Variants in BBS9 observed in about 807,000 individuals in gnomAD.
The protein encoded by BBS9 is Bardet-Biedl syndrome 9.
Under a neutral mutation model 117.7 loss-of-function variants are expected in BBS9, and 89 were observed. That is an observed-to-expected ratio of 0.76 (90% CI 0.64 to 0.90). The LOEUF (loss-of-function observed/expected upper bound fraction) is 0.90, where lower values mean the gene tolerates loss of function less well. Among genes scored for constraint, BBS9 ranks in the 40% least tolerant of loss-of-function variants. The pLI is 0.00. For synonymous variants in BBS9, 379 were observed against 370.9 expected (o/e 1.02, Z -0.25); for missense variants, 982 against 1,042.2 (o/e 0.94, Z 0.80).
At chr7:33,596,781 A>G (rs1862886458) in intron 21 of BBS9, among the ~76,000 whole-genome samples, 1 of 152,074 alleles carries the variant, frequency 6.6e-6, no homozygotes, top group Non-Finnish European at 1.5e-5. Flanking sequence ...ATATGTTATG[A>G]TCCATTCTCT....
intron 16 of BBS9, among the ~76,000 whole-genome samples, chr7:33,360,879 G>A (rs563515755): frequency 6.6e-6 from 1 of 152,102 alleles, no homozygotes; most frequent in Non-Finnish European, 1.5e-5. Flanking sequence ...AGTGGAAGCT[G>A]TGGCAGTAGT....
At chr7:33,289,821 A>G (rs1284164704) in intron 9 of BBS9, among the ~76,000 whole-genome samples, 1 of 152,140 alleles carries the variant, frequency 6.6e-6, no homozygotes, top group East Asian at 1.9e-4. Context: ...AGGTGGGCAG[A>G]TCACTAGGTC....
At chr7:33,521,199 G>A (rs1036833279) in intron 20 of BBS9, among the ~76,000 whole-genome samples, 3 of 152,142 alleles carry the variant, frequency 2.0e-5, no homozygotes, top group African/African-American at 4.8e-5. Flanking sequence ...AAAGAATTTG[G>A]GGTTGGAATG....
intron 19 of BBS9, among the ~76,000 whole-genome samples, chr7:33,434,197 A>C (rs924286129): frequency 6.6e-6 from 1 of 151,932 alleles, no homozygotes; most frequent in Non-Finnish European, 1.5e-5. Flanking sequence ...TTATGGGCCA[A>C]GAATATTAGC....
intron 19 of BBS9, among the ~76,000 whole-genome samples, chr7:33,469,702 C>G (rs192191121): frequency 6.6e-6 from 1 of 152,170 alleles, no homozygotes; most frequent in African/African-American, 2.4e-5. Context: ...GCATCAAGCA[C>G]CTCACCCCAC....
At chr7:33,366,069 G>A (rs1428726608) in intron 16 of BBS9, among the ~76,000 whole-genome samples, 2 of 152,206 alleles carry the variant, frequency 1.3e-5, no homozygotes, top group Non-Finnish European at 2.9e-5. Context: ...AGGGGAATGT[G>A]CAAGGTTTGG....
At chr7:33,447,964 G>C (rs551033291) in intron 19 of BBS9, among the ~76,000 whole-genome samples, 1 of 152,234 alleles carries the variant, frequency 6.6e-6, no homozygotes, top group South Asian at 2.1e-4. Context: ...GATTGGGTGA[G>C]CAAAAGTTTT....
At chr7:33,584,855 C>T (rs1860614974) in intron 21 of BBS9, among the ~76,000 whole-genome samples, 1 of 152,002 alleles carries the variant, frequency 6.6e-6, no homozygotes, top group East Asian at 1.9e-4. Flanking sequence ...AATGTTCTAC[C>T]ACTGTCCAGC....
intron 9 of BBS9, among the ~76,000 whole-genome samples, chr7:33,315,708 G>A (rs1005702127): frequency 2.6e-5 from 4 of 152,134 alleles, no homozygotes; most frequent in Non-Finnish European, 4.4e-5. Flanking sequence ...TCATGTCAGG[G>A]TAGATTTTAT....
chr7:33,464,542 T>C (rs1839900558), intron 19 of BBS9, among the ~76,000 whole-genome samples: 2 of 152,098 alleles, frequency 1.3e-5, no homozygotes, highest in Non-Finnish European at 2.9e-5. Flanking sequence ...AAGGTCTCCA[T>C]TTAGATGATC....
At chr7:33,575,799 C>CA (rs1246832689) in intron 21 of BBS9, among the ~76,000 whole-genome samples, 1 of 152,046 alleles carries the variant, frequency 6.6e-6, no homozygotes, top group Non-Finnish European at 1.5e-5. Flanking sequence ...GAACCAACAA[C>CA]AAAACCACAT....
chr7:33,435,869 C>G (rs1310721429), intron 19 of BBS9, among the ~76,000 whole-genome samples: 1 of 152,092 alleles, frequency 6.6e-6, no homozygotes, highest in African/African-American at 2.4e-5. Context: ...TCATTATTAT[C>G]AGTGCTGAAT....
At chr7:33,333,359 T>C (rs1814556593) in intron 9 of BBS9, among the ~76,000 whole-genome samples, 1 of 152,166 alleles carries the variant, frequency 6.6e-6, no homozygotes, top group South Asian at 2.1e-4. Flanking sequence ...TCCTGCTCTA[T>C]CCAAGTTGCT....
chr7:33,248,716 T>G (rs1583869003), intron 5 of BBS9, among the ~76,000 whole-genome samples: 1 of 152,174 alleles, frequency 6.6e-6, no homozygotes, highest in Non-Finnish European at 1.5e-5. Context: ...AGTGTTTCAG[T>G]CTTTCTGTAA....
intron 5 of BBS9, among the ~76,000 whole-genome samples, chr7:33,205,363 C>G (rs1786704047): frequency 6.6e-6 from 1 of 152,134 alleles, no homozygotes; most frequent in African/African-American, 2.4e-5. Context: ...CAGTTTTGTT[C>G]TTTCTAATTA....
At chr7:33,505,154 TA>T (rs1225186460) in intron 19 of BBS9, among the ~76,000 whole-genome samples, 1 of 152,214 alleles carries the variant, frequency 6.6e-6, no homozygotes, top group African/African-American at 2.4e-5. Context: ...AGAGGTTACT[TA>T]TATTACCATA....
At chr7:33,171,303 A>G (rs1796531991) in intron 4 of BBS9, among the ~76,000 whole-genome samples, 1 of 151,976 alleles carries the variant, frequency 6.6e-6, no homozygotes, top group Non-Finnish European at 1.5e-5. Context: ...AACGCCGCAT[A>G]TCTACAACTA....
chr7:33,505,034 AAAGTGTAATG>A (rs1845948680), intron 19 of BBS9, among the ~76,000 whole-genome samples: 1 of 152,190 alleles, frequency 6.6e-6, no homozygotes, highest in Non-Finnish European at 1.5e-5. Flanking sequence ...TGTTCTGAAA[AAAGTGTAATG>A]AAGTTATTTT....
intron 21 of BBS9, among the ~76,000 whole-genome samples, chr7:33,576,400 T>C (rs138498969): frequency 0.025 from 3,784 of 151,988 alleles, 81 homozygotes; most frequent in South Asian, 0.11. Context: ...CTCAACAAAA[T>C]AAAAGAGGAC....
Sources: allele counts gnomAD v4.1 joint callset (sites outside exome capture counted in the v4.1 genomes callset), GRCh38; gene constraint gnomAD v4.1.1; transcripts MANE v1.5; gene names NCBI Gene and HGNC (gene_info 2026-07-23, HGNC 2026-07-21).